The following CDH13 variants were observed in gnomAD, a reference collection of about 807,000 sequenced individuals.
CDH13 encodes cadherin-13.
In CDH13, 24 loss-of-function variants were observed where a neutral mutation model predicts 63.8. That is an observed-to-expected ratio of 0.38 (90% CI 0.27 to 0.53). CDH13 has a LOEUF of 0.53. CDH13 is among the 20% of genes least tolerant of loss of function. The pLI is 0.85. For missense variants in CDH13, 1,049 were observed against 903.1 expected, an observed-to-expected ratio of 1.16 and a Z score of -2.07; for synonymous variants, 503 against 355.3, an observed-to-expected ratio of 1.42 and a Z score of -4.67.
At chr16:83,619,263 G>A (rs1244895802) in intron 8 of CDH13, among the ~76,000 whole-genome samples, 1 of 152,186 alleles carries the variant, frequency 6.6e-6, no homozygotes, top group African/African-American at 2.4e-5. Flanking sequence ...ACCTCACGAA[G>A]CATGGCTGGG....
At chr16:83,241,072 T>G (rs1904398585) in intron 5 of CDH13, among the ~76,000 whole-genome samples, 1 of 152,214 alleles carries the variant, frequency 6.6e-6, no homozygotes, top group African/African-American at 2.4e-5. Flanking sequence ...AATGTGTGGA[T>G]TCATACAGTA....
chr16:82,654,528 A>C (rs1189311866), intron 1 of CDH13, among the ~76,000 whole-genome samples: 1 of 152,220 alleles, frequency 6.6e-6, no homozygotes, highest in Admixed American at 6.5e-5. Flanking sequence ...CTTAAACCTA[A>C]TAATGGCTTC....
At chr16:83,623,286 C>T (rs961871143) in intron 8 of CDH13, among the ~76,000 whole-genome samples, 2 of 152,150 alleles carry the variant, frequency 1.3e-5, no homozygotes, top group African/African-American at 4.8e-5. Context: ...CTCGAGTTCC[C>T]CCAAATCACT....
At chr16:83,426,512 C>CAT (rs1491239849) in intron 6 of CDH13, among the ~76,000 whole-genome samples, 2 of 37,380 alleles carry the variant, frequency 5.4e-5, no homozygotes, top group African/African-American at 1.6e-4. Flanking sequence ...GAAACAATCA[C>CAT]ACACACACAC....
intron 11 of CDH13, among the ~76,000 whole-genome samples, chr16:83,772,586 C>G (rs1289813670): frequency 3.3e-5 from 5 of 152,178 alleles, no homozygotes; most frequent in Non-Finnish European, 7.3e-5. Context: ...TTCACAGGGC[C>G]TTGTGGATCA....
At chr16:83,184,466 G>C (rs2038451369) in intron 4 of CDH13, among the ~76,000 whole-genome samples, 2 of 152,154 alleles carry the variant, frequency 1.3e-5, no homozygotes, top group Non-Finnish European at 2.9e-5. Flanking sequence ...GTAGATGTGA[G>C]GCCAGGGGCA....
chr16:82,706,163 C>G (rs796335228), intron 1 of CDH13, among the ~76,000 whole-genome samples: 9 of 152,172 alleles, frequency 5.9e-5, no homozygotes, highest in African/African-American at 2.2e-4. Context: ...TCCCTTCTCC[C>G]TTTTTCGCTC....
At chr16:82,767,235 C>G (rs556244265) in intron 1 of CDH13, among the ~76,000 whole-genome samples, 73 of 152,264 alleles carry the variant, frequency 4.8e-4, no homozygotes, top group Middle Eastern at 6.8e-3. Context: ...CTGTGTAACC[C>G]AAAGCATTGC....
chr16:83,571,264 A>G (rs781209906), intron 7 of CDH13, among the ~76,000 whole-genome samples: 15 of 152,254 alleles, frequency 9.9e-5, no homozygotes, highest in South Asian at 2.1e-4. Flanking sequence ...TTGCAAGAGA[A>G]TCAAAAGATG....
chr16:83,464,104 T>A (rs2073248131), intron 6 of CDH13, among the ~76,000 whole-genome samples: 1 of 152,166 alleles, frequency 6.6e-6, no homozygotes, highest in Admixed American at 6.5e-5. Flanking sequence ...GACAGAGTCT[T>A]GCCTTGTTAT....
At chr16:83,036,455 C>T (rs997572418) in intron 3 of CDH13, among the ~76,000 whole-genome samples, 1 of 152,024 alleles carries the variant, frequency 6.6e-6, no homozygotes, top group Admixed American at 6.6e-5. Flanking sequence ...CAACCTGGAG[C>T]TCTCTGCTTT....
chr16:83,330,125 C>G (rs1448674012), intron 5 of CDH13, among the ~76,000 whole-genome samples: 1 of 152,128 alleles, frequency 6.6e-6, no homozygotes, highest in Non-Finnish European at 1.5e-5. Flanking sequence ...TATTATGTAT[C>G]TGGACTGTGG....
chr16:83,197,530 T>G (rs548787643), intron 4 of CDH13, among the ~76,000 whole-genome samples: 3 of 152,278 alleles, frequency 2.0e-5, no homozygotes, highest in Admixed American at 1.3e-4. Context: ...AAACACCCCT[T>G]CGTCTCCCCT....
intron 8 of CDH13, among the ~76,000 whole-genome samples, chr16:83,662,202 C>T (rs904034589): frequency 6.6e-6 from 1 of 152,130 alleles, no homozygotes; most frequent in South Asian, 2.1e-4. Context: ...TTTCCACATT[C>T]GAGTTTTGCA....
chr16:83,172,789 T>TA (rs1178197892), intron 4 of CDH13, among the ~76,000 whole-genome samples: 1 of 151,728 alleles, frequency 6.6e-6, no homozygotes, highest in Non-Finnish European at 1.5e-5. Context: ...AAACAAACAA[T>TA]AAAAAAAGAA....
At chr16:83,099,848 A>G (rs11648768) in intron 3 of CDH13, among the ~76,000 whole-genome samples, 133,321 of 152,016 alleles carry the variant, frequency 0.88, 59,958 homozygotes, top group Middle Eastern at 0.98. Flanking sequence ...GCGGGAGAGC[A>G]CTCAGTAAGA....
At chr16:83,761,557 G>T (rs1189093124) in intron 11 of CDH13, among the ~76,000 whole-genome samples, 1 of 152,180 alleles carries the variant, frequency 6.6e-6, no homozygotes. Context: ...CAGCTGGATT[G>T]GTTACACTCG....
chr16:83,339,023 C>T (rs76259883), intron 5 of CDH13, among the ~76,000 whole-genome samples: 2 of 152,152 alleles, frequency 1.3e-5, no homozygotes, highest in Admixed American at 6.5e-5. Context: ...TGGTGGCAGG[C>T]AGTCATGGCT....
At chr16:83,434,055 T>C (rs2072210067) in intron 6 of CDH13, among the ~76,000 whole-genome samples, 1 of 152,162 alleles carries the variant, frequency 6.6e-6, no homozygotes, top group African/African-American at 2.4e-5. Context: ...TTCCCAGAAG[T>C]GCAGTACAAG....
Sources: gnomAD v4.1 joint callset for allele counts (sites outside exome capture counted in the v4.1 genomes callset) on GRCh38, gnomAD v4.1.1 for gene constraint, MANE v1.5 for transcripts, NCBI Gene and HGNC (gene_info 2026-07-23, HGNC 2026-07-21) for gene names.